The following SERPINB10 variants were observed in gnomAD, a reference collection of about 807,000 sequenced individuals.
SERPINB10 encodes the protein serpin family B member 10.
SERPINB10 carries 35 observed loss-of-function variants against 39.1 expected under a neutral mutation model. The ratio of observed to expected loss-of-function variants is 0.90; its 90% CI spans 0.68 to 1.19. The LOEUF is 1.19. SERPINB10 is among the 50% of genes most tolerant of loss of function. The pLI, the probability that SERPINB10 is intolerant of heterozygous loss-of-function variation, is 0.00. For missense variants in SERPINB10, 546 were observed against 460.5 expected, an observed-to-expected ratio of 1.19 and a Z score of -1.70; for synonymous variants, 190 against 158.1, an observed-to-expected ratio of 1.20 and a Z score of -1.52.
At chr18:63,914,111 G>T (rs1002562205) in intron 1 of SERPINB10, among the ~76,000 whole-genome samples, 2 of 152,042 alleles carry the variant, frequency 1.3e-5, no homozygotes, top group Non-Finnish European at 2.9e-5. Flanking sequence ...TTTTCAATTT[G>T]TGTGATAGCC....
chr18:63,920,305 G>A lies in SERPINB10; in HGVS notation c.490+400G>A, dbSNP rs559377719. ...TATAGAATCTTAAATACTTTTCAAA[G>A]TAAGTTCAAGTATCAGTTAGAGTAT... On this transcript the variant is annotated intron_variant, in intron 5 of 7. Coordinates refer to ENST00000238508, the MANE Select transcript of SERPINB10 (RefSeq NM_005024.3). 5.3e-5 allele frequency among the ~76,000 whole-genome samples: 8 copies of A among 152,164 alleles called. No homozygotes were observed. In the South Asian group the frequency reaches 1.0e-3, roughly 20 times the overall value.
intron 3 of SERPINB10, 31 bp from the exon 4 acceptor site, chr18:63,917,934 T>C: frequency 6.2e-7 from 1 of 1,601,200 alleles, no homozygotes; most frequent in South Asian, 1.1e-5. Context: ...TTGTTCAACA[T>C]TTTATTTGAC....
At chr18:63,933,225 G>C (rs772606505) in intron 7 of SERPINB10, 22 bp downstream of exon 7, 9 of 1,613,238 alleles carry the variant, frequency 5.6e-6, no homozygotes, top group Middle Eastern at 3.3e-4. Context: ...CAGTGTGTCT[G>C]ATGTGAGGGT....
chr18:63,910,219 G>A (rs1599071291), intron 1 of SERPINB10, among the ~76,000 whole-genome samples: 1 of 151,954 alleles, frequency 6.6e-6, no homozygotes, highest in South Asian at 2.1e-4. Context: ...GCCAGGTGAC[G>A]TTCATGCAAG....
chr18:63,922,140 C>G (rs1429482928), intron 5 of SERPINB10, among the ~76,000 whole-genome samples: 1 of 151,928 alleles, frequency 6.6e-6, no homozygotes, highest in East Asian at 1.9e-4. Context: ...CATAACAGGC[C>G]TGCTCATAGC....
In SERPINB10 at chr18:63,935,380, A is replaced by C; in HGVS notation, c.*138A>C. ...TTTGAATATAAGTAAATAGATCTTGAAATAATGCATTCTAATGATCCTGTC... is the reference window on the plus strand; with the variant it reads ...TTTGAATATAAGTAAATAGATCTTGCAATAATGCATTCTAATGATCCTGTC... On this transcript the variant is annotated 3_prime_UTR_variant, in exon 8 of 8. Coordinates refer to ENST00000238508, the MANE Select transcript of SERPINB10 (RefSeq NM_005024.3). 2 of 818,138 alleles carry C rather than the reference A, an allele frequency of 2.4e-6. No individual in the cohort carries two copies. The highest frequency in any genetic ancestry group is 1.9e-5 in the South Asian group (1 of 53,260). The allele number at this position is 818,138 out of a possible 1,614,324, so 50.7% of individuals were successfully genotyped here.
chr18:63,927,557 G>C (rs1358659865), intron 5 of SERPINB10, among the ~76,000 whole-genome samples: 1 of 152,012 alleles, frequency 6.6e-6, no homozygotes, highest in Admixed American at 6.6e-5. Context: ...GGGCAAACAG[G>C]CTCCCTCAAT....
At chr18:63,929,399 T>C (rs1230250762) in intron 5 of SERPINB10, among the ~76,000 whole-genome samples, 2 of 152,044 alleles carry the variant, frequency 1.3e-5, no homozygotes, top group African/African-American at 4.8e-5. Flanking sequence ...AGTCCTGTTA[T>C]TGAGCAATTT....
chr18:63,921,632 C>T (rs930917032), intron 5 of SERPINB10, among the ~76,000 whole-genome samples: 3 of 151,930 alleles, frequency 2.0e-5, no homozygotes, highest in Non-Finnish European at 4.4e-5. Context: ...ACCCAAATTA[C>T]CTGCCTAGAA....
chr18:63,920,648 A>C (rs1193664358), intron 5 of SERPINB10, among the ~76,000 whole-genome samples: 1 of 151,990 alleles, frequency 6.6e-6, no homozygotes, highest in Non-Finnish European at 1.5e-5. Context: ...AATTCCACTC[A>C]TCTCCCACTG....
intron 6 of SERPINB10, 29 bp from the exon 7 acceptor site, chr18:63,933,019 C>CTGTTTT: frequency 6.3e-7 from 1 of 1,598,908 alleles, no homozygotes; most frequent in East Asian, 2.2e-5. Flanking sequence ...ACCTTGTTAC[C>CTGTTTT]TGTTTTTTTG....
chr18:63,919,943 C>A, intron 5 of SERPINB10, 38 bp downstream of exon 5: 1 of 1,245,810 alleles, frequency 8.0e-7, no homozygotes, highest in Non-Finnish European at 1.2e-6. Flanking sequence ...CGTGCTTTTC[C>A]CAAACATCCT....
At chr18:63,924,626 A>G (rs982739955) in intron 5 of SERPINB10, among the ~76,000 whole-genome samples, 1 of 151,934 alleles carries the variant, frequency 6.6e-6, no homozygotes, top group Non-Finnish European at 1.5e-5. Context: ...GAATTATTTC[A>G]TTAATCTCAT....
chr18:63,932,462 A>G (rs1372497020), intron 6 of SERPINB10, among the ~76,000 whole-genome samples: 1 of 152,078 alleles, frequency 6.6e-6, no homozygotes, highest in Admixed American at 6.6e-5. Context: ...GTAATTTGCA[A>G]TCTCCTAGTG....
At chr18:63,917,895 G>C in intron 3 of SERPINB10, 70 bp from the exon 4 acceptor site, 1 of 1,372,152 alleles carries the variant, frequency 7.3e-7, no homozygotes, top group Non-Finnish European at 1.0e-6. Flanking sequence ...ATTTTATTTA[G>C]CTTTAGTTTG....
intron 1 of SERPINB10, among the ~76,000 whole-genome samples, chr18:63,914,961 A>G (rs62097488): frequency 0.022 from 3,339 of 152,200 alleles, 113 homozygotes; most frequent in African/African-American, 0.069. Flanking sequence ...TTTCTCTACA[A>G]GCATTTTCCA....
chr18:63,919,295 A>G (rs775263384), intron 4 of SERPINB10, among the ~76,000 whole-genome samples: 2 of 149,488 alleles, frequency 1.3e-5, no homozygotes, highest in Non-Finnish European at 3.0e-5. Flanking sequence ...TTAGAAATCC[A>G]TTTTCATGGC....
chr18:63,909,965 GC>G (rs1568241379), intron 1 of SERPINB10, among the ~76,000 whole-genome samples: 2 of 151,940 alleles, frequency 1.3e-5, no homozygotes, highest in Non-Finnish European at 2.9e-5. Context: ...AATAATGTCA[GC>G]CTGGGATTAT....
intron 3 of SERPINB10, 144 bp from the exon 4 acceptor site, chr18:63,917,821 C>A (rs1373436957): frequency 5.5e-6 from 4 of 730,540 alleles, no homozygotes; most frequent in Non-Finnish European, 8.8e-6. Flanking sequence ...TGCACTAACA[C>A]TAAAGAAAAC....
Sources: allele counts gnomAD v4.1 joint callset (sites outside exome capture counted in the v4.1 genomes callset), GRCh38; gene constraint gnomAD v4.1.1; transcripts MANE v1.5; gene names NCBI Gene and HGNC (gene_info 2026-07-23, HGNC 2026-07-21).